The following SNTG2 variants were observed in gnomAD, a reference collection of about 807,000 sequenced individuals.
The protein encoded by SNTG2 is syntrophin gamma 2, also known as gamma-2-syntrophin.
In SNTG2, 74 loss-of-function variants were observed where a neutral mutation model predicts 70.9. That is an observed-to-expected ratio of 1.04 (90% CI 0.86 to 1.27). The LOEUF (loss-of-function observed/expected upper bound fraction) is 1.27, where lower values mean the gene tolerates loss of function less well. Among genes scored for constraint, SNTG2 ranks in the 50% most tolerant of loss-of-function variants. SNTG2 has a pLI of 0.00. For synonymous variants in SNTG2, 278 were observed against 273.8 expected (o/e 1.02, Z -0.15); for missense variants, 717 against 690.7 (o/e 1.04, Z -0.43).
At chr2:1,027,268 C>CAGGTGCATCATTGA (rs1660531261) in intron 1 of SNTG2, among the ~76,000 whole-genome samples, 1 of 152,036 alleles carries the variant, frequency 6.6e-6, no homozygotes, top group African/African-American at 2.4e-5. Flanking sequence ...AAGAGATAAG[C>CAGGTGCATCATTGA]AGGTGCGTCT....
chr2:979,700 G>A (rs1661038359), intron 1 of SNTG2, among the ~76,000 whole-genome samples: 1 of 152,060 alleles, frequency 6.6e-6, no homozygotes, highest in Non-Finnish European at 1.5e-5. Context: ...CTCAAGACCG[G>A]GAACAAATCA....
intron 9 of SNTG2, among the ~76,000 whole-genome samples, chr2:1,229,175 T>G (rs891499648): frequency 3.9e-5 from 6 of 152,190 alleles, no homozygotes; most frequent in African/African-American, 1.4e-4. Flanking sequence ...TTGGGCAGCC[T>G]GCTTTTATTC....
intron 6 of SNTG2, among the ~76,000 whole-genome samples, chr2:1,150,963 C>T (rs1478013020): frequency 6.6e-6 from 1 of 152,134 alleles, no homozygotes; most frequent in African/African-American, 2.4e-5. Context: ...CTGTGCTGTC[C>T]CTGGTGGGTT....
chr2:1,230,407 G>C (rs765663488), intron 9 of SNTG2, among the ~76,000 whole-genome samples: 1 of 152,170 alleles, frequency 6.6e-6, no homozygotes, highest in Non-Finnish European at 1.5e-5. Flanking sequence ...TGCTGAAGCC[G>C]AGAAGATTTC....
At position 1,255,877 on chromosome 2, in the gene SNTG2, TATATATAA is replaced by T. The variant is rs1558602690; in HGVS notation, c.1006-3485_1006-3478del. Among the ~76,000 whole-genome samples, 10 of 78,822 alleles carry T rather than the reference TATATATAA, an allele frequency of 1.3e-4. 1 individual carries two copies. The highest frequency in any genetic ancestry group is 5.3e-4 in the African/African-American group (8 of 15,156). The allele number at this position is 78,822 out of a possible 152,430, so 51.7% of individuals were successfully genotyped here. ...AAATATATATAAATATATATAAATA[TATATATAA>T]ATATATATAAATATATATATAAATA... On this transcript the variant is annotated intron_variant, in intron 12 of 16. Transcript: ENST00000308624.
intron 16 of SNTG2, among the ~76,000 whole-genome samples, chr2:1,366,845 G>A (rs762934885): frequency 2.4e-4 from 36 of 152,040 alleles, no homozygotes; most frequent in South Asian, 4.1e-4. Flanking sequence ...TCCCAAGGGC[G>A]GCCTTGGCAT....
intron 1 of SNTG2, among the ~76,000 whole-genome samples, chr2:1,000,956 A>G (rs1447383765): frequency 1.3e-5 from 2 of 151,986 alleles, no homozygotes; most frequent in Admixed American, 6.5e-5. Context: ...CAGAAATGCA[A>G]TGAAGGTATA....
intron 1 of SNTG2, among the ~76,000 whole-genome samples, chr2:975,995 G>A (rs1362313941): frequency 6.6e-6 from 1 of 152,132 alleles, no homozygotes; most frequent in Non-Finnish European, 1.5e-5. Context: ...TTGTCTCTTG[G>A]TTACGTATAA....
chr2:956,243 C>A (rs1322928236), intron 1 of SNTG2, among the ~76,000 whole-genome samples: 1 of 113,392 alleles, frequency 8.8e-6, no homozygotes, highest in South Asian at 3.3e-4. Context: ...ACCCCTGCCC[C>A]GCCCCGCCCC....
chr2:1,074,912 T>C (rs1380891847), intron 1 of SNTG2, among the ~76,000 whole-genome samples: 2 of 152,310 alleles, frequency 1.3e-5, no homozygotes, highest in East Asian at 1.9e-4. Flanking sequence ...CACTGTGAAG[T>C]TTTTGAATCA....
chr2:1,115,657 G>T (rs972986731), intron 4 of SNTG2, among the ~76,000 whole-genome samples: 2 of 152,050 alleles, frequency 1.3e-5, no homozygotes, highest in Non-Finnish European at 2.9e-5. Context: ...CCTTTGAGGA[G>T]GATCGTGTGT....
chr2:973,909 C>T (rs1660828021), intron 1 of SNTG2, among the ~76,000 whole-genome samples: 1 of 152,032 alleles, frequency 6.6e-6, no homozygotes, highest in Non-Finnish European at 1.5e-5. Context: ...TCAGATTTTC[C>T]ATCTGTCCAT....
At chr2:967,394 C>CT (rs201017728) in intron 1 of SNTG2, among the ~76,000 whole-genome samples, 1 of 151,822 alleles carries the variant, frequency 6.6e-6, no homozygotes, top group Non-Finnish European at 1.5e-5. Flanking sequence ...AAGTTCCCTT[C>CT]TCTTAGTTTA....
chr2:1,248,926 G>C (rs1228474647), intron 12 of SNTG2, among the ~76,000 whole-genome samples: 2 of 152,216 alleles, frequency 1.3e-5, no homozygotes, highest in Non-Finnish European at 2.9e-5. Flanking sequence ...CCATTGAAAA[G>C]CAAGGGTTCA....
At chr2:1,161,924 A>G (rs1025166369) in intron 6 of SNTG2, among the ~76,000 whole-genome samples, 5 of 151,988 alleles carry the variant, frequency 3.3e-5, no homozygotes, top group African/African-American at 1.2e-4. Context: ...AATACAAAAA[A>G]TTAGCCAGGC....
At chr2:1,228,860 G>A (rs922008778) in intron 9 of SNTG2, among the ~76,000 whole-genome samples, 5 of 152,164 alleles carry the variant, frequency 3.3e-5, no homozygotes, top group African/African-American at 1.2e-4. Flanking sequence ...CTGATGTTTG[G>A]ATGTGTTCAG....
At chr2:1,266,897 G>A (rs926389009) in intron 13 of SNTG2, among the ~76,000 whole-genome samples, 1 of 152,000 alleles carries the variant, frequency 6.6e-6, no homozygotes, top group East Asian at 1.9e-4. Flanking sequence ...AGAACTACAA[G>A]CGTGTGCTGC....
rs1489396434 is a variant in SNTG2 at position 1,203,696 on chromosome 2, G to A, written c.592-5407G>A. ...AAAATATATATATATATATATGTGT[G>A]TGTGTGTGTGTGTGTGTATGTGTGT... On this transcript the variant is annotated intron_variant, in intron 8 of 16. Transcript: ENST00000308624. 1.7e-4 allele frequency among the ~76,000 whole-genome samples: 25 copies of A among 147,852 alleles called. 2 individuals carry two copies. The South Asian group carries it at 2.4e-3, about 14-fold the overall frequency.
intron 9 of SNTG2, among the ~76,000 whole-genome samples, chr2:1,223,737 C>G (rs886673260): frequency 1.3e-5 from 2 of 152,162 alleles, no homozygotes; most frequent in Non-Finnish European, 2.9e-5. Flanking sequence ...TTTAAAGGCA[C>G]GAGACCTTCA....
Sources: allele counts gnomAD v4.1 joint callset (sites outside exome capture counted in the v4.1 genomes callset), GRCh38; gene constraint gnomAD v4.1.1; transcripts MANE v1.5; gene names NCBI Gene and HGNC (gene_info 2026-07-23, HGNC 2026-07-21).